TAFA1: variants seen among roughly 807,000 people sequenced by gnomAD.
TAFA1 encodes TAFA chemokine like family member 1.
In TAFA1, 4 loss-of-function variants were observed where a neutral mutation model predicts 18.5. The ratio of observed to expected loss-of-function variants is 0.22; its 90% CI spans 0.11 to 0.49. The LOEUF (loss-of-function observed/expected upper bound fraction) is 0.49. Among genes scored for constraint, TAFA1 ranks in the 20% least tolerant of loss-of-function variants. TAFA1 has a pLI of 0.98. For missense variants in TAFA1, 147 were observed against 169.0 expected, an observed-to-expected ratio of 0.87 and a Z score of 0.72; for synonymous variants, 56 against 55.2, an observed-to-expected ratio of 1.01 and a Z score of -0.06.
Position 68,538,833 on chromosome 3 carries a change from A to G in TAFA1, c.337A>G (p.Asn113Asp), listed in dbSNP as rs1354383501. The change falls in exon 4 of 5, where the codon AAT becomes GAT. Residue 113 changes from asparagine (N) to aspartate (D), a missense_variant. Asn to Asp is a conservative substitution (Grantham distance 23). Coordinates refer to ENST00000478136, the MANE Select transcript of TAFA1 (RefSeq NM_213609.4). ...AGAAGAATGTAAGACACTCCCTGAC[A>G]ATTCTGGATGGATGTGCGCAACAGG... ...EGEECKTLPD[N>D]SGWMCATGNK... is the part of the protein sequence containing the mutation. The G allele has an allele frequency of 8.1e-6, 13 of 1,613,616 alleles. No homozygotes were observed. The highest frequency in any genetic ancestry group is 1.0e-5 in the Non-Finnish European group (12 of 1,179,680).
chr3:68,186,927 C>T (rs2066278814), intron 2 of TAFA1, among the ~76,000 whole-genome samples: 1 of 151,772 alleles, frequency 6.6e-6, no homozygotes, highest in Non-Finnish European at 1.5e-5. Flanking sequence ...ATCTGTCCTT[C>T]TTATCTCTGT....
intron 2 of TAFA1, among the ~76,000 whole-genome samples, chr3:68,373,817 T>C (rs998510584): frequency 6.6e-6 from 1 of 152,194 alleles, no homozygotes; most frequent in African/African-American, 2.4e-5. Flanking sequence ...CTTATCAGTA[T>C]TCAAAGTGAA....
intron 2 of TAFA1, among the ~76,000 whole-genome samples, chr3:68,207,639 T>C (rs541878228): frequency 1.5e-4 from 23 of 151,958 alleles, no homozygotes; most frequent in Non-Finnish European, 2.5e-4. Context: ...AAATGAGCAT[T>C]GACACACAGT....
At chr3:68,025,597 A>G (rs778564144) in intron 2 of TAFA1, among the ~76,000 whole-genome samples, 1 of 152,102 alleles carries the variant, frequency 6.6e-6, no homozygotes, top group African/African-American at 2.4e-5. Flanking sequence ...TCTCCACAGC[A>G]TCTTCTCCTA....
intron 3 of TAFA1, among the ~76,000 whole-genome samples, chr3:68,531,188 C>A (rs1259841894): frequency 6.6e-6 from 1 of 152,108 alleles, no homozygotes; most frequent in Non-Finnish European, 1.5e-5. Flanking sequence ...GTGATAATAC[C>A]TACTTTATAG....
At chr3:68,502,950 T>C (rs1003408262) in intron 3 of TAFA1, among the ~76,000 whole-genome samples, 2 of 152,240 alleles carry the variant, frequency 1.3e-5, no homozygotes, top group Middle Eastern at 3.4e-3. Context: ...AGCGGGGGAA[T>C]AGCTAAACAA....
chr3:68,108,007 G>T (rs1279209050), intron 2 of TAFA1, among the ~76,000 whole-genome samples: 1 of 152,050 alleles, frequency 6.6e-6, no homozygotes, highest in Admixed American at 6.6e-5. Context: ...TATGGGTGAG[G>T]AAGTGCAGAA....
intron 2 of TAFA1, among the ~76,000 whole-genome samples, chr3:68,026,809 T>C (rs1704826663): frequency 1.3e-5 from 2 of 152,218 alleles, no homozygotes; most frequent in African/African-American, 4.8e-5. Flanking sequence ...GGAGGTTGTA[T>C]TAATTCATTC....
chr3:68,200,982 T>C (rs1460573858), intron 2 of TAFA1, among the ~76,000 whole-genome samples: 1 of 151,666 alleles, frequency 6.6e-6, no homozygotes, highest in African/African-American at 2.4e-5. Flanking sequence ...TTTTCTAATA[T>C]ATACATTCAA....
At chr3:68,006,792 A>C (rs1486892444) in intron 2 of TAFA1, 48 bp downstream of exon 2, 2 of 1,311,246 alleles carry the variant, frequency 1.5e-6, no homozygotes, top group African/African-American at 2.9e-5. Flanking sequence ...TCTTACCACT[A>C]TTTCCTTAAC....
At chr3:68,005,521 T>C (rs1173668280) in intron 1 of TAFA1, among the ~76,000 whole-genome samples, 1 of 152,200 alleles carries the variant, frequency 6.6e-6, no homozygotes, top group Non-Finnish European at 1.5e-5. Context: ...AACATCAGTT[T>C]TTAATAAAGA....
At chr3:68,375,921 C>T (rs956521630) in intron 2 of TAFA1, among the ~76,000 whole-genome samples, 1 of 152,110 alleles carries the variant, frequency 6.6e-6, no homozygotes, top group African/African-American at 2.4e-5. Context: ...AAAGAAGCAG[C>T]CAAAGTATTT....
intron 2 of TAFA1, among the ~76,000 whole-genome samples, chr3:68,339,342 C>G (rs1575789048): frequency 6.6e-6 from 1 of 152,148 alleles, no homozygotes. Flanking sequence ...CTATGTTAAT[C>G]ATAAAGATAC....
intron 3 of TAFA1, among the ~76,000 whole-genome samples, chr3:68,428,450 C>T (rs2071100451): frequency 6.6e-6 from 1 of 151,866 alleles, no homozygotes; most frequent in South Asian, 2.1e-4. Flanking sequence ...CTTCGACCTC[C>T]TTAGCCTCCT....
At chr3:68,139,412 T>A (rs1411500776) in intron 2 of TAFA1, among the ~76,000 whole-genome samples, 1 of 152,158 alleles carries the variant, frequency 6.6e-6, no homozygotes, top group Non-Finnish European at 1.5e-5. Flanking sequence ...TTTCTCTGTA[T>A]AATTTCCCAA....
At chr3:68,463,766 G>C (rs1215754848) in intron 3 of TAFA1, among the ~76,000 whole-genome samples, 5 of 152,120 alleles carry the variant, frequency 3.3e-5, no homozygotes. Flanking sequence ...TATAAATTTG[G>C]AAGGAGGATG....
At chr3:68,286,749 G>T (rs1036501857) in intron 2 of TAFA1, among the ~76,000 whole-genome samples, 1 of 152,178 alleles carries the variant, frequency 6.6e-6, no homozygotes, top group African/African-American at 2.4e-5. Flanking sequence ...ACAAGCACAA[G>T]GTTGTAGTAA....
At chr3:68,375,244 T>G (rs2069787185) in intron 2 of TAFA1, among the ~76,000 whole-genome samples, 1 of 152,170 alleles carries the variant, frequency 6.6e-6, no homozygotes, top group East Asian at 1.9e-4. Flanking sequence ...GGAGCAGGAC[T>G]GTTTTCTATT....
At chr3:68,393,378 G>GA (rs201653683) in intron 2 of TAFA1, among the ~76,000 whole-genome samples, 1,826 of 130,256 alleles carry the variant, frequency 0.014, 22 homozygotes, top group African/African-American at 0.033. Context: ...CCTACCAATG[G>GA]AAAAAAAAAA....
Sources: allele counts gnomAD v4.1 joint callset (sites outside exome capture counted in the v4.1 genomes callset), GRCh38; gene constraint gnomAD v4.1.1; transcripts MANE v1.5; gene names NCBI Gene and HGNC (gene_info 2026-07-23, HGNC 2026-07-21).